The following CNBD1 variants were observed in gnomAD, a reference collection of about 807,000 sequenced individuals.
The protein encoded by CNBD1 is cyclic nucleotide binding domain containing 1.
A neutral mutation model predicts 54.4 loss-of-function variants in CNBD1; 71 were observed. That is an observed-to-expected ratio of 1.30 (90% confidence interval 1.08 to 1.59). CNBD1 has a LOEUF of 1.59. CNBD1 is among the 40% of genes most tolerant of loss of function. The pLI is 0.00. For synonymous variants in CNBD1, 182 were observed against 170.7 expected (o/e 1.07, Z -0.51); for missense variants, 659 against 518.0 (o/e 1.27, Z -2.64).
At chr8:87,196,980 G>A (rs761019939) in intron 4 of CNBD1, among the ~76,000 whole-genome samples, 16 of 150,170 alleles carry the variant, frequency 1.1e-4, no homozygotes, top group Middle Eastern at 3.4e-3. Flanking sequence ...TAATTTGGCC[G>A]TCAGCTGGAA....
At chr8:87,228,974 C>T (rs1477103166) in intron 5 of CNBD1, among the ~76,000 whole-genome samples, 2 of 152,176 alleles carry the variant, frequency 1.3e-5, no homozygotes, top group East Asian at 1.9e-4. Context: ...CGGAAAAGCG[C>T]GGTATTCGGG....
rs749693296 is a variant in CNBD1, at chr8:87,099,884, A to G, written c.432-106109A>G. On this transcript the variant is annotated intron_variant, in intron 4 of 10. Coordinates refer to ENST00000518476, the MANE Select transcript of CNBD1 (RefSeq NM_173538.3). ...TGGAAATTTTTAAAGCAACTAGATT[A>G]GATGGCATTGCCAAGGATCATTCTG... 2.1e-3 allele frequency among the ~76,000 whole-genome samples: 316 copies of G among 152,350 alleles called. 3 individuals are homozygous for G. The highest frequency in any genetic ancestry group is 3.3e-3 in the Non-Finnish European group (222 of 68,038).
At chr8:87,297,332 A>G (rs1293597550) in intron 8 of CNBD1, among the ~76,000 whole-genome samples, 3 of 152,016 alleles carry the variant, frequency 2.0e-5, no homozygotes, top group Non-Finnish European at 4.4e-5. Flanking sequence ...GTTATTGTAC[A>G]CTTACAGCGT....
In CNBD1 at chr8:87,326,316, C is replaced by T. The variant is rs191453535; in HGVS notation, c.1043-25369C>T. 6.0e-4 allele frequency among the ~76,000 whole-genome samples: 73 copies of T among 122,476 alleles called. 15 individuals carry two copies. The highest frequency in any genetic ancestry group is 9.0e-3 in the Middle Eastern group (2 of 222). 80.3% of individuals were successfully genotyped at this position (122,476 alleles called of 152,430 possible). On this transcript the variant is annotated intron_variant, in intron 8 of 10. Transcript: ENST00000518476. ...CACTTCTCGAGGAATATCTTTGTGG[C>T]GTTCTCTGTATTTCCTGAATCTGAA...
chr8:87,046,553 A>G (rs1401524714), intron 4 of CNBD1, among the ~76,000 whole-genome samples: 2 of 152,204 alleles, frequency 1.3e-5, no homozygotes, highest in African/African-American at 4.8e-5. Context: ...AGGTGTAACC[A>G]GGAACCACAG....
At chr8:87,242,775 A>G (rs1398182986) in intron 6 of CNBD1, among the ~76,000 whole-genome samples, 1 of 152,232 alleles carries the variant, frequency 6.6e-6, no homozygotes, top group Non-Finnish European at 1.5e-5. Context: ...AATCACTTCA[A>G]ATATCTCAGA....
chr8:87,171,810 CT>C (rs34355764), intron 4 of CNBD1, among the ~76,000 whole-genome samples: 36,928 of 151,030 alleles, frequency 0.24, 4,538 homozygotes, highest in Middle Eastern at 0.27. Context: ...GCTAATTTTT[CT>C]TTTTTTTGCT....
At chr8:86,985,845 A>G (rs904999766) in intron 4 of CNBD1, among the ~76,000 whole-genome samples, 1 of 152,142 alleles carries the variant, frequency 6.6e-6, no homozygotes, top group Admixed American at 6.6e-5. Context: ...CTTTTTCCAC[A>G]GCCTCACCAG....
intron 4 of CNBD1, among the ~76,000 whole-genome samples, chr8:87,070,329 G>T (rs1375000969): frequency 6.6e-6 from 1 of 152,156 alleles, no homozygotes; most frequent in South Asian, 2.1e-4. Flanking sequence ...TGTGTGGGAT[G>T]GGGAAGAGGA....
intron 4 of CNBD1, among the ~76,000 whole-genome samples, chr8:86,954,834 T>C (rs577856368): frequency 6.6e-6 from 1 of 152,324 alleles, no homozygotes; most frequent in East Asian, 1.9e-4. Context: ...AACAATTTTC[T>C]TCTTTTTCTT....
intron 8 of CNBD1, among the ~76,000 whole-genome samples, chr8:87,349,573 G>T (rs529080945): frequency 6.6e-6 from 1 of 152,066 alleles, no homozygotes; most frequent in Non-Finnish European, 1.5e-5. Flanking sequence ...ACGAGGTTTC[G>T]CCATGTTGGC....
At position 87,353,711 on chromosome 8, in the gene CNBD1, C is replaced by T; in HGVS notation, c.1228C>T (p.Gln410Ter). Residue 410 changes from glutamine (Q) to a stop codon, truncating the protein, a stop_gained, in exon 10 of 11, where the codon CAA becomes TAA. Coordinates refer to ENST00000518476, the MANE Select transcript of CNBD1 (RefSeq NM_173538.3). LOFTEE classifies it high-confidence loss of function. ...CTTTGGTGAGATTAGCGTCCTTCTTCAAGTTCCTTTCACGTGCACAATCAT... is the reference window on the plus strand; with the variant it reads ...CTTTGGTGAGATTAGCGTCCTTCTTTAAGTTCCTTTCACGTGCACAATCAT... ...ESFGEISVLL[Q>*]VPFTCTIITK... The T allele has an allele frequency of 1.2e-6, 2 of 1,611,528 alleles. No individual in the cohort carries two copies. The highest frequency in any genetic ancestry group is 1.3e-5 in the African/African-American group (1 of 74,982).
downstream of CNBD1, among the ~76,000 whole-genome samples, chr8:87,386,881 G>A (rs895181949): frequency 1.3e-5 from 2 of 152,214 alleles, no homozygotes; most frequent in African/African-American, 4.8e-5. Context: ...CCCACAAAGG[G>A]AAGCCCATGA....
intron 4 of CNBD1, among the ~76,000 whole-genome samples, chr8:86,988,571 C>T (rs1808664224): frequency 6.6e-6 from 1 of 151,982 alleles, no homozygotes; most frequent in Admixed American, 6.6e-5. Flanking sequence ...TTAAAATGTA[C>T]AATAAATTAT....
intron 4 of CNBD1, among the ~76,000 whole-genome samples, chr8:86,980,982 C>A (rs1286250935): frequency 1.3e-5 from 2 of 152,172 alleles, no homozygotes; most frequent in East Asian, 3.9e-4. Context: ...CACATGGAGA[C>A]AGACTTTCAC....
intron 4 of CNBD1, among the ~76,000 whole-genome samples, chr8:87,049,085 C>A (rs556168344): frequency 1.6e-4 from 25 of 152,314 alleles, no homozygotes; most frequent in African/African-American, 5.8e-4. Context: ...ATACTGAGGT[C>A]TTACTTCTCT....
intron 2 of CNBD1, among the ~76,000 whole-genome samples, chr8:87,396,072 C>A (rs1487030847): frequency 6.6e-6 from 1 of 151,842 alleles, no homozygotes; most frequent in Non-Finnish European, 1.5e-5. Flanking sequence ...TCTTTATGAG[C>A]AGAGTGAGAA....
intron 5 of CNBD1, among the ~76,000 whole-genome samples, chr8:87,220,914 GA>G (rs1814319988): frequency 6.6e-6 from 1 of 152,032 alleles, no homozygotes; most frequent in African/African-American, 2.4e-5. Flanking sequence ...AGTGTTACAT[GA>G]GAATGCCACT....
At chr8:87,172,114 T>A (rs1813101163) in intron 4 of CNBD1, among the ~76,000 whole-genome samples, 2 of 152,064 alleles carry the variant, frequency 1.3e-5, no homozygotes, top group African/African-American at 4.8e-5. Context: ...ATTGTTTAAT[T>A]TCCATGTGTT....
Sources: allele counts gnomAD v4.1 joint callset (sites outside exome capture counted in the v4.1 genomes callset), GRCh38; gene constraint gnomAD v4.1.1; transcripts MANE v1.5; gene names NCBI Gene and HGNC (gene_info 2026-07-23, HGNC 2026-07-21).